The following RTN4 variants were observed in gnomAD, a reference collection of about 807,000 sequenced individuals.
The protein encoded by RTN4 is reticulon-4.
Under a neutral mutation model 90.4 loss-of-function variants are expected in RTN4, and 32 were observed. The observed-to-expected ratio is 0.35, with a 90% CI of 0.27 to 0.48. RTN4 has a LOEUF of 0.48. Ranked by LOEUF, RTN4 falls within the 20% of genes least tolerant of loss-of-function variation. The pLI is 0.99. For missense variants in RTN4, 1,706 were observed against 1,430.2 expected (o/e 1.19, Z -3.11); for synonymous variants, 629 against 552.5 (o/e 1.14, Z -1.94).
rs183077551 is a variant in RTN4 at position 54,981,338 on chromosome 2, A to T, written c.3360+1177T>A. On this transcript the variant is annotated intron_variant, in intron 5 of 8. Transcript: ENST00000337526. ...CTTAAACCTATTCTGACCAGTTCAG[A>T]AATTGTTTTTCTGAGTCTAAAGGCC... Among the ~76,000 whole-genome samples the T allele has an allele frequency of 7.2e-3, 1,089 of 151,978 alleles. 6 individuals are homozygous for T. The highest frequency in any genetic ancestry group is 0.012 in the South Asian group (58 of 4,820).
chr2:55,096,796 CTGTTTATT>C (rs1667731978), intron 1 of RTN4, among the ~76,000 whole-genome samples: 1 of 151,208 alleles, frequency 6.6e-6, no homozygotes, highest in Non-Finnish European at 1.5e-5. Context: ...GCAGCAGTTA[CTGTTTATT>C]AAGCTTCTGT....
intron 3 of RTN4, among the ~76,000 whole-genome samples, chr2:55,001,174 T>G (rs1278095607): frequency 1.3e-5 from 2 of 152,136 alleles, no homozygotes; most frequent in East Asian, 1.9e-4. Flanking sequence ...GATGTGAAGT[T>G]AAGTCAATGT....
chr2:55,093,414 A>AT (rs1668975443), intron 1 of RTN4, among the ~76,000 whole-genome samples: 1 of 148,978 alleles, frequency 6.7e-6, no homozygotes, highest in African/African-American at 2.4e-5. Context: ...TTATATATAT[A>AT]TAGAATAAAT....
rs577440688 is a variant in RTN4 at position 55,000,531 on chromosome 2, T to A, written c.3014-12833A>T. ...ACTTCCCCTTTCTACAATAATTTTG[T>A]AATCTCCCAGTCTGAGCAAGGCACT... is the stretch of plus-strand genomic sequence containing the variant. On this transcript the variant is annotated intron_variant, in intron 3 of 8. Transcript: ENST00000337526. Among the ~76,000 whole-genome samples, 3 of 152,294 alleles carry A rather than the reference T, an allele frequency of 2.0e-5. No homozygotes were observed. The Middle Eastern group carries it at 0.01, about 518-fold the overall frequency.
chr2:55,059,526 G>C (rs900742972), intron 2 of RTN4, among the ~76,000 whole-genome samples: 1 of 151,856 alleles, frequency 6.6e-6, no homozygotes, highest in East Asian at 1.9e-4. Context: ...GCTAATTTTT[G>C]TATATTTACT....
At position 55,026,064 on chromosome 2, in the gene RTN4, C is replaced by T; in HGVS notation, c.2035G>A (p.Glu679Lys). The change falls in exon 3 of 9, where the codon GAG becomes AAG. Residue 679 changes from glutamate to lysine, a missense_variant. By Grantham distance (56) the Glu-to-Lys change is moderately conservative (BLOSUM62 1). Coordinates refer to ENST00000337526, the MANE Select transcript of RTN4 (RefSeq NM_020532.5). ...AGAGCTGCATTAATATTTTCAGGCT[C>T]TTTAATTTCTTCCTTTATTCCTGAT... ...KVSGIKEEIKEPENINAALQE... is the reference protein window; with the variant it reads ...KVSGIKEEIKKPENINAALQE... 1 of 1,610,376 alleles carries T rather than the reference C, an allele frequency of 6.2e-7. No homozygotes were observed. The highest frequency in any genetic ancestry group is 2.2e-5 in the East Asian group (1 of 44,888).
Position 55,026,506 on chromosome 2 carries a change from T to C in RTN4, c.1593A>G (p.Thr531=). Reference sequence around the variant, plus strand: ...CAGTCACCTTTGTTAAATTATCTGTTGTGACATAATCTGTCTCAGAATCCT... The same window carrying C: ...CAGTCACCTTTGTTAAATTATCTGTCGTGACATAATCTGTCTCAGAATCCT... ...AAQDSETDYV[T]TDNLTKVTEE... is the part of the protein sequence containing the mutation. Residue 531 remains threonine, a synonymous_variant, in exon 3 of 9, where the codon ACA becomes ACG. Transcript: ENST00000337526. The C allele has an allele frequency of 6.2e-7, 1 of 1,613,992 alleles. No individual in the cohort carries two copies. Among genetic ancestry groups the C allele is most frequent in the Admixed American group, 1.7e-5 (1 of 59,984 alleles).
intron 1 of RTN4, among the ~76,000 whole-genome samples, chr2:55,100,878 A>AT (rs11453320): frequency 0.55 from 80,859 of 146,396 alleles, 22,381 homozygotes; most frequent in Admixed American, 0.57. Flanking sequence ...CACTCTTAGC[A>AT]TTTTTTTTTT....
intron 2 of RTN4, among the ~76,000 whole-genome samples, chr2:55,073,618 C>T (rs1668551437): frequency 6.6e-6 from 1 of 152,114 alleles, no homozygotes; most frequent in Non-Finnish European, 1.5e-5. Flanking sequence ...TGTCAATGTG[C>T]AAATTTCCAG....
the RTN4 span, among the ~76,000 whole-genome samples, chr2:55,135,058 G>C: frequency 6.6e-6 from 1 of 152,072 alleles, no homozygotes; most frequent in East Asian, 1.9e-4. Flanking sequence ...TTGAGGCCTA[G>C]AGTTCAAGAT....
chr2:55,091,820 T>C (rs112609627), intron 1 of RTN4, among the ~76,000 whole-genome samples: 11,112 of 146,824 alleles, frequency 0.076, 543 homozygotes, highest in African/African-American at 0.15. Context: ...GTAAAAGGCA[T>C]TTCTTACATG....
chr2:55,083,574 C>T (rs1558873023), intron 1 of RTN4, among the ~76,000 whole-genome samples: 3 of 152,114 alleles, frequency 2.0e-5, no homozygotes, highest in Admixed American at 1.3e-4. Flanking sequence ...TACACACACA[C>T]GTACTAGAAT....
At position 55,050,100 on chromosome 2, in the gene RTN4, T is replaced by C. The variant is rs756059643; in HGVS notation, c.201A>G (p.Pro67=). ...CGCCGGCGGCAGGGGCGGTGGGCAC[T>C]GGGGCCGCGGACAGCCCGGCGGCGG... ...RKPAAGLSAA[P]VPTAPAAGAP... Residue 67 remains proline, a synonymous_variant, in exon 1 of 9, where the codon CCA becomes CCG. Transcript: ENST00000337526. The surrounding 1 kb of genome is among the most constrained non-coding windows in gnomAD (Gnocchi z 4.6). 7 of 1,491,404 alleles carry C rather than the reference T, an allele frequency of 4.7e-6. No homozygotes were observed. The East Asian group carries it at 1.1e-4, about 23-fold the overall frequency. The allele number at this position is 1,491,404 out of a possible 1,614,324, so 92.4% of individuals were successfully genotyped here.
the RTN4 span, among the ~76,000 whole-genome samples, chr2:55,134,201 T>G: frequency 6.6e-6 from 1 of 151,762 alleles, no homozygotes; most frequent in Non-Finnish European, 1.5e-5. Context: ...CAGAGATTGC[T>G]TTTGTGGTCA....
At chr2:55,132,224 C>G in the RTN4 span, among the ~76,000 whole-genome samples, 1 of 152,136 alleles carries the variant, frequency 6.6e-6, no homozygotes, top group Non-Finnish European at 1.5e-5. Flanking sequence ...ACTTTTCGGC[C>G]AGGCGCAGTG....
intron 3 of RTN4, among the ~76,000 whole-genome samples, chr2:55,005,039 A>G (rs1001277770): frequency 2.6e-5 from 4 of 152,156 alleles, no homozygotes; most frequent in Non-Finnish European, 5.9e-5. Context: ...AAGGCAAAGA[A>G]CAGGTATGTT....
At chr2:55,131,554 G>A in the RTN4 span, among the ~76,000 whole-genome samples, 12 of 152,132 alleles carry the variant, frequency 7.9e-5, no homozygotes, top group African/African-American at 1.7e-4. Context: ...TTCTTTTACC[G>A]GTTTGAACAA....
intron 1 of RTN4, among the ~76,000 whole-genome samples, chr2:55,096,446 T>A (rs986566703): frequency 2.0e-5 from 3 of 152,142 alleles, no homozygotes; most frequent in South Asian, 4.1e-4. Flanking sequence ...CTGGAATCTA[T>A]CATTCATCAG....
At chr2:55,081,929 C>T (rs1327519652) in intron 1 of RTN4, among the ~76,000 whole-genome samples, 1 of 149,922 alleles carries the variant, frequency 6.7e-6, no homozygotes, top group Non-Finnish European at 1.5e-5. Flanking sequence ...ATCAAGATTG[C>T]TAATTCATTT....
Sources: allele counts gnomAD v4.1 joint callset (sites outside exome capture counted in the v4.1 genomes callset), GRCh38; gene constraint gnomAD v4.1.1; non-coding constraint Gnocchi (gnomAD v3.1); transcripts MANE v1.5; gene names NCBI Gene and HGNC (gene_info 2026-07-23, HGNC 2026-07-21).